ZNF676: variants seen among roughly 807,000 people sequenced by gnomAD.
ZNF676 encodes zinc finger protein 676.
In ZNF676, 4 loss-of-function variants were observed where a neutral mutation model predicts 6.0. The observed-to-expected ratio is 0.67, with a 90% CI of 0.33 to 1.53. ZNF676 has a LOEUF of 1.53. Among genes scored for constraint, ZNF676 ranks in the 40% most tolerant of loss-of-function variants. ZNF676 has a pLI of 0.06. For synonymous variants in ZNF676, 198 were observed against 223.1 expected, an observed-to-expected ratio of 0.89 and a Z score of 1.00; for missense variants, 644 against 679.7, an observed-to-expected ratio of 0.95 and a Z score of 0.58.
the ZNF676 span, chr19:22,244,352 C>T: frequency 1.2e-4 from 18 of 152,280 alleles, no homozygotes; most frequent in African/African-American, 3.6e-4. Context: ...AGATTGATAA[C>T]TCTTTATGAC....
chr19:22,186,526 A>G (rs1018867397), intron 2 of ZNF676, among the ~76,000 whole-genome samples: 2 of 152,210 alleles, frequency 1.3e-5, no homozygotes, highest in African/African-American at 4.8e-5. Context: ...AAATTCACAC[A>G]TAACAATATT....
At chr19:22,242,449 T>C in the ZNF676 span, among the ~76,000 whole-genome samples, 1 of 151,894 alleles carries the variant, frequency 6.6e-6, no homozygotes, top group Non-Finnish European at 1.5e-5. Context: ...ATTTCTTGGG[T>C]CATGATGCAG....
intron 2 of ZNF676, 116 bp from the exon 3 acceptor site, chr19:22,181,702 G>A: frequency 1.4e-6 from 1 of 726,540 alleles, no homozygotes; most frequent in South Asian, 2.6e-5. Context: ...ATTGCAATAT[G>A]ACACAGGCCC....
chr19:22,258,662 C>T, the ZNF676 span, among the ~76,000 whole-genome samples: 1 of 151,992 alleles, frequency 6.6e-6, no homozygotes, highest in African/African-American at 2.4e-5. Context: ...GTCACAATGG[C>T]CCATGTAAGG....
chr19:22,194,331 T>G (rs1408112475), intron 1 of ZNF676, among the ~76,000 whole-genome samples: 1 of 152,150 alleles, frequency 6.6e-6, no homozygotes, highest in East Asian at 1.9e-4. Flanking sequence ...TATGAAAATG[T>G]AAATGCAGAT....
At position 22,179,418 on chromosome 19, in the gene ZNF676, T is replaced by A. The variant is rs924180374; in HGVS notation, c.*532A>T. On this transcript the variant is annotated 3_prime_UTR_variant, in exon 3 of 3. Transcript: ENST00000397121. ...TATGTAGTAAGCCTTAAGGACTGGT[T>A]AAAGGCTTTGCCACATTCCACACAA... 2.9e-6 allele frequency: 1 copy of A among 347,290 alleles called. No homozygotes were observed. The highest frequency in any genetic ancestry group is 3.8e-5 in the Admixed American group (1 of 26,030). The allele number at this position is 347,290 out of a possible 1,614,324, so 21.5% of individuals were successfully genotyped here. A position where few individuals can be genotyped will look rare whatever the true frequency, so the allele number is the denominator to read the frequency against.
the ZNF676 span, among the ~76,000 whole-genome samples, chr19:22,256,909 C>A: frequency 1.3e-5 from 2 of 152,008 alleles, no homozygotes; most frequent in African/African-American, 4.8e-5. Context: ...ACAATGTAGG[C>A]AGGGCCCAAA....
chr19:22,220,688 C>T (rs912277166), upstream of ZNF676, among the ~76,000 whole-genome samples: 34 of 152,082 alleles, frequency 2.2e-4, no homozygotes, highest in African/African-American at 8.0e-4. Flanking sequence ...AACACCTGAC[C>T]TCAAGTGATC....
chr19:22,244,673 T>A, the ZNF676 span: 4 of 152,160 alleles, frequency 2.6e-5, no homozygotes, highest in African/African-American at 9.6e-5. Flanking sequence ...AAAAGACACA[T>A]CACCTGGTTA....
intron 2 of ZNF676, among the ~76,000 whole-genome samples, chr19:22,188,039 G>A (rs1480798188): frequency 2.0e-5 from 3 of 151,934 alleles, no homozygotes; most frequent in Admixed American, 6.6e-5. Flanking sequence ...TGATACCAAA[G>A]CCTGGCAGAG....
chr19:22,179,660 G>A lies in ZNF676; in HGVS notation c.*290C>T. On this transcript the variant is annotated 3_prime_UTR_variant, in exon 3 of 3. Transcript: ENST00000397121. ...TGAATTCTTTTATGAGTAGTAAGGT[G>A]TGAGGAACAGTTGAAGTCTTTATCA... The A allele has an allele frequency of 3.3e-6, 2 of 601,234 alleles. No individual in the cohort carries two copies. Among genetic ancestry groups the A allele is most frequent in the South Asian group, 1.8e-5 (1 of 56,710 alleles). 37.2% of individuals were successfully genotyped at this position (601,234 alleles called of 1,614,324 possible).
the ZNF676 span, among the ~76,000 whole-genome samples, chr19:22,236,679 T>C: frequency 6.6e-6 from 1 of 152,242 alleles, no homozygotes. Context: ...TGAGGGGCCA[T>C]GATTCTCTGT....
At chr19:22,247,051 C>G in the ZNF676 span, among the ~76,000 whole-genome samples, 1 of 152,124 alleles carries the variant, frequency 6.6e-6, no homozygotes, top group South Asian at 2.1e-4. Context: ...TATAAAGGGA[C>G]TATACTGAGG....
intron 1 of ZNF676, 46 bp from the exon 2 acceptor site, chr19:22,193,157 A>AT (rs760664602): frequency 1.4e-4 from 209 of 1,529,548 alleles, no homozygotes; most frequent in Non-Finnish European, 1.8e-4. Context: ...CATATTCTCC[A>AT]ATTACCAACT....
the ZNF676 span, among the ~76,000 whole-genome samples, chr19:22,257,912 A>G: frequency 6.6e-6 from 1 of 152,172 alleles, no homozygotes; most frequent in East Asian, 1.9e-4. Flanking sequence ...CCCATATGTA[A>G]TGATCACCCC....
chr19:22,207,771 A>G (rs1351738521), intron 1 of ZNF676, among the ~76,000 whole-genome samples: 5 of 152,182 alleles, frequency 3.3e-5, no homozygotes, highest in African/African-American at 9.7e-5. Flanking sequence ...GCAACAGAAT[A>G]GGGAGCCCAG....
At chr19:22,250,167 A>T in the ZNF676 span, among the ~76,000 whole-genome samples, 3 of 151,462 alleles carry the variant, frequency 2.0e-5, no homozygotes, top group Non-Finnish European at 4.4e-5. Context: ...GGGTGACAAG[A>T]GTGAAACTCC....
chr19:22,215,545 G>T, intron 1 of ZNF676: 1 of 1,475,364 alleles, frequency 6.8e-7, no homozygotes, highest in Non-Finnish European at 9.4e-7. Context: ...CTGACTGCGG[G>T]TAGGCTTGAG....
intron 1 of ZNF676, 143 bp from the exon 2 acceptor site, chr19:22,193,254 A>C: frequency 9.8e-7 from 1 of 1,024,898 alleles, no homozygotes; most frequent in Non-Finnish European, 1.3e-6. Flanking sequence ...CTGTTGAAGA[A>C]AAACGTTATG....
Sources: gnomAD v4.1 joint callset for allele counts (sites outside exome capture counted in the v4.1 genomes callset) on GRCh38, gnomAD v4.1.1 for gene constraint, MANE v1.5 for transcripts, NCBI Gene and HGNC (gene_info 2026-07-23, HGNC 2026-07-21) for gene names.